The following ADHFE1 variants were observed in gnomAD, a reference collection of about 807,000 sequenced individuals.
The protein encoded by ADHFE1 is alcohol dehydrogenase iron containing 1.
In ADHFE1, 37 loss-of-function variants were observed where a neutral mutation model predicts 54.8. The ratio of observed to expected loss-of-function variants is 0.68; its 90% confidence interval spans 0.52 to 0.89. The LOEUF is 0.89. ADHFE1 is among the 40% of genes least tolerant of loss of function. The pLI, the probability that ADHFE1 is intolerant of heterozygous loss-of-function variation, is 0.00. For missense variants in ADHFE1, 601 were observed against 591.2 expected (o/e 1.02, Z -0.17); for synonymous variants, 203 against 229.3 (o/e 0.89, Z 1.04).
intron 8 of ADHFE1, among the ~76,000 whole-genome samples, chr8:66,450,997 C>A (rs1806270381): frequency 6.6e-6 from 1 of 152,270 alleles, no homozygotes. Flanking sequence ...ATGGGGTCAT[C>A]TCCCTTCACA....
chr8:66,436,950 G>A (rs529591634), intron 1 of ADHFE1, among the ~76,000 whole-genome samples: 19 of 152,276 alleles, frequency 1.2e-4, no homozygotes, highest in Admixed American at 5.2e-4. Context: ...CTGACACATC[G>A]GGTACCGTGA....
chr8:66,434,116 A>C (rs1450384869), intron 1 of ADHFE1, among the ~76,000 whole-genome samples: 1 of 152,234 alleles, frequency 6.6e-6, no homozygotes, highest in Non-Finnish European at 1.5e-5. Flanking sequence ...CCTTGGGTAG[A>C]TAGAAATGCT....
chr8:66,456,907 A>T lies in ADHFE1; in HGVS notation c.1065+12A>T. On this transcript the variant is annotated intron_variant, in intron 11 of 13. Transcript: ENST00000396623. ...ATCACCCACTGGTGGTAAAATCATA[A>T]GAATAAATTATTTAATTAAATATTA... The T allele has an allele frequency of 6.7e-7, 1 of 1,491,898 alleles. No individual in the cohort carries two copies. The highest frequency in any genetic ancestry group is 8.9e-7 in the Non-Finnish European group (1 of 1,117,810). The allele number at this position is 1,491,898 out of a possible 1,614,324, so 92.4% of individuals were successfully genotyped here. A position where few individuals can be genotyped will look rare whatever the true frequency, so the allele number is the denominator to read the frequency against.
intron 1 of ADHFE1, among the ~76,000 whole-genome samples, chr8:66,438,072 A>G (rs1467498424): frequency 1.3e-5 from 2 of 152,240 alleles, no homozygotes; most frequent in East Asian, 3.8e-4. Flanking sequence ...AGGCAGGGGC[A>G]GGCCTGAACT....
At chr8:66,435,012 C>T (rs1805391432) in intron 1 of ADHFE1, among the ~76,000 whole-genome samples, 1 of 150,680 alleles carries the variant, frequency 6.6e-6, no homozygotes, top group Non-Finnish European at 1.5e-5. Context: ...TGCAGCCCTG[C>T]TTTGACTGTG....
rs556835935 is a variant in ADHFE1 at position 66,444,839 on chromosome 8, G to A, written c.353+91G>A. 1.3e-3 allele frequency: 1,972 copies of A among 1,484,682 alleles called. 2 individuals carry two copies. The highest frequency in any genetic ancestry group is 1.7e-3 in the Non-Finnish European group (1,796 of 1,085,618). 92.0% of individuals were successfully genotyped at this position (1,484,682 alleles called of 1,614,324 possible). ...CCCCCAACCAGGCGTGGTGGCTCAC[G>A]CCTGTAATCCCAGCACTTTGGGAGG... On this transcript the variant is annotated intron_variant, in intron 5 of 13. Coordinates refer to ENST00000396623, the MANE Select transcript of ADHFE1 (RefSeq NM_144650.3).
intron 13 of ADHFE1, among the ~76,000 whole-genome samples, chr8:66,463,669 T>C (rs1176677934): frequency 1.3e-5 from 2 of 152,240 alleles, no homozygotes; most frequent in Non-Finnish European, 2.9e-5. Flanking sequence ...TTCAGAGTTT[T>C]ACACATGCAA....
intron 1 of ADHFE1, among the ~76,000 whole-genome samples, chr8:66,437,028 T>A (rs902771822): frequency 6.6e-6 from 1 of 151,850 alleles, no homozygotes; most frequent in African/African-American, 2.4e-5. Context: ...AGCTGGTCAG[T>A]TGAGTCGGGG....
At position 66,439,538 on chromosome 8, in the gene ADHFE1, C is replaced by T; in HGVS notation, c.60-624C>T. On this transcript the variant is annotated intron_variant, in intron 1 of 13. Coordinates refer to ENST00000396623, the MANE Select transcript of ADHFE1 (RefSeq NM_144650.3). This position sits in a 1 kb window ranked among gnomAD's most constrained non-coding sequence, Gnocchi z 4.4. ...ATGCGGTGGCGACCTCGGAGCGCACCGGGTGTGCGCGCAGCTGGGGCCTCT... is the reference window on the plus strand; with the variant it reads ...ATGCGGTGGCGACCTCGGAGCGCACTGGGTGTGCGCGCAGCTGGGGCCTCT... The T allele has an allele frequency of 1.0e-6, 1 of 985,298 alleles. No individual in the cohort carries two copies. Among genetic ancestry groups the T allele is most frequent in the East Asian group, 1.1e-4 (1 of 8,792 alleles). 61.0% of individuals were successfully genotyped at this position (985,298 alleles called of 1,614,324 possible). A position where few individuals can be genotyped will look rare whatever the true frequency, so the allele number is the denominator to read the frequency against.
At chr8:66,442,510 A>G (rs1170257782) in intron 2 of ADHFE1, among the ~76,000 whole-genome samples, 1 of 151,858 alleles carries the variant, frequency 6.6e-6, no homozygotes, top group African/African-American at 2.4e-5. Context: ...ACAGGGTTCT[A>G]CCATGTTAGC....
At chr8:66,450,206 G>A (rs1050103331) in intron 8 of ADHFE1, among the ~76,000 whole-genome samples, 1 of 152,184 alleles carries the variant, frequency 6.6e-6, no homozygotes, top group Non-Finnish European at 1.5e-5. Flanking sequence ...TTGATGAGCT[G>A]TTCCCTAATA....
At chr8:66,447,955 TTGA>T (rs1022803951) in intron 7 of ADHFE1, among the ~76,000 whole-genome samples, 1 of 152,214 alleles carries the variant, frequency 6.6e-6, no homozygotes, top group Non-Finnish European at 1.5e-5. Context: ...AGAATCTGGT[TTGA>T]TGAGCCTTGA....
At chr8:66,453,648 G>A in intron 9 of ADHFE1, 5 of 1,342,860 alleles carry the variant, frequency 3.7e-6, no homozygotes, top group Non-Finnish European at 5.0e-6. Flanking sequence ...GTGTCTCAGA[G>A]AGAAAGAGCG....
At chr8:66,444,248 A>T (rs1225237101) in intron 3 of ADHFE1, 119 bp from the exon 4 acceptor site, 25 of 858,508 alleles carry the variant, frequency 2.9e-5, no homozygotes, top group Non-Finnish European at 9.3e-6. Context: ...GACCTGGAAG[A>T]CCATGCTAAG....
intron 6 of ADHFE1, among the ~76,000 whole-genome samples, chr8:66,446,663 A>G (rs1806044308): frequency 6.6e-6 from 1 of 152,234 alleles, no homozygotes; most frequent in South Asian, 2.1e-4. Context: ...TTTATGCAGA[A>G]GCAGGCAATA....
intron 1 of ADHFE1, chr8:66,432,816 T>C (rs1805272075): frequency 4.1e-6 from 5 of 1,226,006 alleles, no homozygotes; most frequent in Middle Eastern, 3.1e-4. Flanking sequence ...TTAAAGAAAC[T>C]GAGGCCCAGA....
chr8:66,462,668 A>C (rs1806963673), intron 13 of ADHFE1, among the ~76,000 whole-genome samples: 1 of 152,234 alleles, frequency 6.6e-6, no homozygotes, highest in South Asian at 2.1e-4. Flanking sequence ...GTGTTCAGGA[A>C]AATGTGTGGG....
At position 66,456,904 on chromosome 8, in the gene ADHFE1, A is replaced by C. The variant is rs1408639206; in HGVS notation, c.1065+9A>C. 2.0e-5 allele frequency: 30 copies of C among 1,499,566 alleles called. No homozygotes were observed. The highest frequency in any genetic ancestry group is 2.7e-5 in the Non-Finnish European group (30 of 1,122,650). 92.9% of individuals were successfully genotyped at this position (1,499,566 alleles called of 1,614,324 possible). A position where few individuals can be genotyped will look rare whatever the true frequency, so the allele number is the denominator to read the frequency against. On this transcript the variant is annotated intron_variant, in intron 11 of 13. Transcript: ENST00000396623. ...TGGATCACCCACTGGTGGTAAAATC[A>C]TAAGAATAAATTATTTAATTAAATA... is the stretch of plus-strand genomic sequence containing the variant.
chr8:66,453,971 T>TC (rs1473961576), intron 9 of ADHFE1, 88 bp from the exon 10 acceptor site: 3 of 1,552,132 alleles, frequency 1.9e-6, no homozygotes, highest in Admixed American at 4.2e-5. Flanking sequence ...TCTTTTTTTT[T>TC]CACCATATCT....
Sources: allele counts gnomAD v4.1 joint callset (sites outside exome capture counted in the v4.1 genomes callset), GRCh38; gene constraint gnomAD v4.1.1; non-coding constraint Gnocchi (gnomAD v3.1); transcripts MANE v1.5; gene names NCBI Gene and HGNC (gene_info 2026-07-23, HGNC 2026-07-21).